NRG2: variants seen among roughly 807,000 people sequenced by gnomAD.
NRG2 encodes neuregulin 2.
Under a neutral mutation model 73.9 loss-of-function variants are expected in NRG2, and 27 were observed. The ratio of observed to expected loss-of-function variants is 0.37; its 90% CI spans 0.27 to 0.50. NRG2 has a LOEUF of 0.50. Ranked by LOEUF, NRG2 falls within the 20% of genes least tolerant of loss-of-function variation. The pLI is 0.96. For missense variants in NRG2, 1,126 were observed against 1,210.1 expected (o/e 0.93, Z 1.03); for synonymous variants, 532 against 541.0 (o/e 0.98, Z 0.23).
chr5:139,995,718 T>C (rs1757968878), intron 1 of NRG2, among the ~76,000 whole-genome samples: 1 of 152,034 alleles, frequency 6.6e-6, no homozygotes, highest in South Asian at 2.1e-4. Context: ...AACTCTCTTA[T>C]TGAAAAAAAG....
intron 1 of NRG2, among the ~76,000 whole-genome samples, chr5:139,952,984 C>G (rs1754335674): frequency 6.6e-6 from 1 of 152,088 alleles, no homozygotes; most frequent in Admixed American, 6.5e-5. Context: ...TAATCCTGAA[C>G]ATATTACTCT....
rs182270928 is a variant in NRG2, at chr5:140,032,967, A to G, written c.700+9403T>C. ...GTATGGGTATTAAATGAGATCATGC[A>G]TGTAAAATAATTAGCAGTCTTTGTC... On this transcript the variant is annotated intron_variant, in intron 1 of 9. Transcript: ENST00000361474. 6.6e-5 allele frequency among the ~76,000 whole-genome samples: 10 copies of G among 152,368 alleles called. No homozygotes were observed. In the East Asian group the frequency reaches 1.9e-3, roughly 29 times the overall value.
At chr5:139,867,762 C>CTCTG (rs1554101254) in intron 4 of NRG2, among the ~76,000 whole-genome samples, 16 of 128,874 alleles carry the variant, frequency 1.2e-4, no homozygotes, top group African/African-American at 1.8e-4. Context: ...GAAGGGAAAC[C>CTCTG]TGTGTGTGTG....
At chr5:139,950,327 C>A (rs1754108229) in intron 1 of NRG2, among the ~76,000 whole-genome samples, 2 of 152,186 alleles carry the variant, frequency 1.3e-5, no homozygotes, top group African/African-American at 4.8e-5. Flanking sequence ...TGGGAGCTGG[C>A]ATACAGTGCT....
rs924364110 is a variant in NRG2 at position 139,915,822 on chromosome 5, C to T, written c.701-28311G>A. Among the ~76,000 whole-genome samples the T allele has an allele frequency of 3.3e-5, 5 of 152,140 alleles. No individual in the cohort carries two copies. Among genetic ancestry groups the T allele is most frequent in the African/African-American group, 1.2e-4 (5 of 41,414 alleles). ...AGCTGAGAGTACAGGAGATGCTTTC[C>T]TGGAATATGGGACAGCCTGGCAATG... On this transcript the variant is annotated intron_variant, in intron 1 of 9. Coordinates refer to ENST00000361474, the MANE Select transcript of NRG2 (RefSeq NM_004883.3). The surrounding 1 kb of genome is among the most constrained non-coding windows in gnomAD (Gnocchi z 4.0).
intron 1 of NRG2, among the ~76,000 whole-genome samples, chr5:139,992,725 C>T (rs1048172917): frequency 2.0e-5 from 3 of 152,144 alleles, no homozygotes; most frequent in Non-Finnish European, 4.4e-5. Flanking sequence ...CTAAGCCAAA[C>T]ACCTTTGTAC....
At chr5:140,023,155 A>G (rs1043536362) in intron 1 of NRG2, among the ~76,000 whole-genome samples, 2 of 152,198 alleles carry the variant, frequency 1.3e-5, no homozygotes, top group African/African-American at 4.8e-5. Context: ...CCCTGCTCCA[A>G]TACCTACAAT....
At chr5:139,942,494 C>A (rs1418289005) in intron 1 of NRG2, among the ~76,000 whole-genome samples, 1 of 152,134 alleles carries the variant, frequency 6.6e-6, no homozygotes, top group Non-Finnish European at 1.5e-5. Flanking sequence ...TATTCTCATC[C>A]GTAGTTATTC....
At chr5:139,975,292 C>A (rs1239951710) in intron 1 of NRG2, among the ~76,000 whole-genome samples, 1 of 152,254 alleles carries the variant, frequency 6.6e-6, no homozygotes, top group African/African-American at 2.4e-5. Flanking sequence ...CCCAGCACTT[C>A]ATGGTCAGAC....
chr5:139,861,777 C>A, intron 5 of NRG2: 1 of 514,900 alleles, frequency 1.9e-6, no homozygotes, highest in Non-Finnish European at 3.9e-6. Flanking sequence ...CCCTGGCGCA[C>A]CTCTCACTGA....
Position 139,868,157 on chromosome 5 carries a change from A to G in NRG2, c.1113-2532T>C, listed in dbSNP as rs1762610757. 1.3e-5 allele frequency among the ~76,000 whole-genome samples: 2 copies of G among 152,046 alleles called. No individual in the cohort carries two copies. Among genetic ancestry groups the G allele is most frequent in the Admixed American group, 1.3e-4 (2 of 15,270 alleles). On this transcript the variant is annotated intron_variant, in intron 4 of 9. Coordinates refer to ENST00000361474, the MANE Select transcript of NRG2 (RefSeq NM_004883.3). This position sits in a 1 kb window ranked among gnomAD's most constrained non-coding sequence, Gnocchi z 4.2. ...TGGGGGTGGTGGAAGGCTGACAGCTACTGCTGTTCTTTGGGGTGCTAGCTC... is the reference window on the plus strand; with the variant it reads ...TGGGGGTGGTGGAAGGCTGACAGCTGCTGCTGTTCTTTGGGGTGCTAGCTC...
intron 1 of NRG2, among the ~76,000 whole-genome samples, chr5:139,985,484 G>A (rs372918160): frequency 1.3e-5 from 2 of 152,088 alleles, no homozygotes; most frequent in African/African-American, 4.8e-5. Context: ...TGCCCCTCCC[G>A]AAACAGGAAC....
At chr5:139,896,753 TC>T (rs1764567052) in intron 1 of NRG2, among the ~76,000 whole-genome samples, 1 of 152,072 alleles carries the variant, frequency 6.6e-6, no homozygotes, top group African/African-American at 2.4e-5. Context: ...CTCATAACTC[TC>T]CATCATCTGC....
intron 1 of NRG2, among the ~76,000 whole-genome samples, chr5:139,896,223 G>A (rs1046032442): frequency 1.3e-4 from 20 of 152,348 alleles, no homozygotes; most frequent in African/African-American, 4.8e-4. Context: ...CAGCACCTTT[G>A]TATCAGAACA....
At chr5:139,872,887 C>G (rs1396625456) in intron 3 of NRG2, among the ~76,000 whole-genome samples, 2 of 152,196 alleles carry the variant, frequency 1.3e-5, no homozygotes, top group African/African-American at 2.4e-5. Context: ...AGGTCCTGCT[C>G]CCCTCAGCTC....
chr5:139,900,904 C>G (rs1402167152), intron 1 of NRG2, among the ~76,000 whole-genome samples: 1 of 152,204 alleles, frequency 6.6e-6, no homozygotes, highest in Non-Finnish European at 1.5e-5. Flanking sequence ...AATCTGACTC[C>G]AAGGGACTTT....
chr5:139,903,732 C>T (rs1765032485), intron 1 of NRG2, among the ~76,000 whole-genome samples: 1 of 152,248 alleles, frequency 6.6e-6, no homozygotes, highest in East Asian at 1.9e-4. Context: ...AGGGAACTGT[C>T]ACAGAAGCAG....
chr5:139,910,470 G>A (rs1014720051), intron 1 of NRG2, among the ~76,000 whole-genome samples: 9 of 152,328 alleles, frequency 5.9e-5, no homozygotes, highest in African/African-American at 1.9e-4. Flanking sequence ...AGACTGTGAC[G>A]TTCTGAGCAA....
chr5:139,912,578 ATT>A (rs1355952122), intron 1 of NRG2, among the ~76,000 whole-genome samples: 1 of 152,090 alleles, frequency 6.6e-6, no homozygotes, highest in East Asian at 1.9e-4. Flanking sequence ...CAAATCATCC[ATT>A]CTTTCTCCTC....
Sources: allele counts gnomAD v4.1 joint callset (sites outside exome capture counted in the v4.1 genomes callset), GRCh38; gene constraint gnomAD v4.1.1; non-coding constraint Gnocchi (gnomAD v3.1); transcripts MANE v1.5; gene names NCBI Gene and HGNC (gene_info 2026-07-23, HGNC 2026-07-21).